GAMT: variants seen among roughly 807,000 people sequenced by gnomAD.
GAMT encodes epididymis secretory protein Li 20.
In GAMT, 26 loss-of-function variants were observed where a neutral mutation model predicts 26.9. That is an observed-to-expected ratio of 0.97 (90% confidence interval 0.71 to 1.34). GAMT has a LOEUF of 1.34. GAMT is among the 40% of genes most tolerant of loss of function. The pLI is 0.00. For missense variants in GAMT, 412 were observed against 345.0 expected, an observed-to-expected ratio of 1.19 and a Z score of -1.54; for synonymous variants, 169 against 149.6, an observed-to-expected ratio of 1.13 and a Z score of -0.95.
chr19:1,397,347 CGGGGT>C lies in GAMT; in HGVS notation c.*7_*11del. Reference sequence around the variant, plus strand: ...GAGGAGGGCATGGGTGTGGCCGGGCCGGGGTGGGGGCTCAGCCTTTGGTCACCAGG... The same window carrying C: ...GAGGAGGGCATGGGTGTGGCCGGGCCGGGGGCTCAGCCTTTGGTCACCAGG... On this transcript the variant is annotated 3_prime_UTR_variant, in exon 6 of 6. Coordinates refer to ENST00000252288, the MANE Select transcript of GAMT (RefSeq NM_000156.6). 1 of 1,606,694 alleles carries C rather than the reference CGGGGT, an allele frequency of 6.2e-7. No individual in the cohort carries two copies. Among genetic ancestry groups the C allele is most frequent in the Non-Finnish European group, 8.5e-7 (1 of 1,177,904 alleles).
Position 1,401,502 on chromosome 19 carries a change from C to A in GAMT, c.-26G>T. The A allele has an allele frequency of 7.7e-7, 1 of 1,291,914 alleles. No homozygotes were observed. Among genetic ancestry groups the A allele is most frequent in the South Asian group, 2.3e-5 (1 of 44,252 alleles). 80.0% of individuals were successfully genotyped at this position (1,291,914 alleles called of 1,614,324 possible). A position where few individuals can be genotyped will look rare whatever the true frequency, so the allele number is the denominator to read the frequency against. On this transcript the variant is annotated 5_prime_UTR_variant, in exon 1 of 6. The change creates a new upstream start codon in the 5' untranslated region. Transcript: ENST00000252288. ...GCTGCAGGCTGGACGGCGACCCGAC[C>A]TCGATCGCGCGCCGCCCGGGCCCGC...
Position 1,401,415 on chromosome 19 carries a change from C to T in GAMT, c.62G>A (p.Gly21Glu). The change falls in exon 1 of 6, where the codon GGG (glycine) becomes GAG (glutamate). Residue 21 changes from glycine (G) to glutamate (E), a missense_variant. Physicochemically the swap from Gly to Glu is moderately conservative, Grantham distance 98 (BLOSUM62 -2). Coordinates refer to ENST00000252288, the MANE Select transcript of GAMT (RefSeq NM_000156.6). ...APGENCSPAWGAAPAAYDAAD... is the reference protein window; with the variant it reads ...APGENCSPAWEAAPAAYDAAD... ...TGCGTCGTAGGCCGCGGGCGCCGCC[C>T]CCCACGCGGGGCTGCAGTTCTCGCC... The T allele has an allele frequency of 2.1e-6, 3 of 1,449,816 alleles. No individual in the cohort carries two copies. Among genetic ancestry groups the T allele is most frequent in the Non-Finnish European group, 1.8e-6 (2 of 1,103,422 alleles). The allele number at this position is 1,449,816 out of a possible 1,614,324, so 89.8% of individuals were successfully genotyped here. A position where few individuals can be genotyped will look rare whatever the true frequency, so the allele number is the denominator to read the frequency against.
rs374527580 is a variant in GAMT at position 1,397,320 on chromosome 19, C to G, written c.*39G>C. ...CCCTGGACTCCCGGCCAGGAAGGCA[C>G]GGAGGAGGGCATGGGTGTGGCCGGG... On this transcript the variant is annotated 3_prime_UTR_variant, in exon 6 of 6. Coordinates refer to ENST00000252288, the MANE Select transcript of GAMT (RefSeq NM_000156.6). 1 of 1,586,584 alleles carries G rather than the reference C, an allele frequency of 6.3e-7. No individual in the cohort carries two copies. Among genetic ancestry groups the G allele is most frequent in the Non-Finnish European group, 8.6e-7 (1 of 1,168,964 alleles).
chr19:1,401,491 G>C lies in GAMT; in HGVS notation c.-15C>G, dbSNP rs1569009367. 4 of 1,308,266 alleles carry C rather than the reference G, an allele frequency of 3.1e-6. No homozygotes were observed. The highest frequency in any genetic ancestry group is 4.2e-5 in the South Asian group (2 of 47,376). The allele number at this position is 1,308,266 out of a possible 1,614,324, so 81.0% of individuals were successfully genotyped here. A position where few individuals can be genotyped will look rare whatever the true frequency, so the allele number is the denominator to read the frequency against. On this transcript the variant is annotated 5_prime_UTR_variant, in exon 1 of 6. Transcript: ENST00000252288. ...GGGGCGCTCATGCTGCAGGCTGGAC[G>C]GCGACCCGACCTCGATCGCGCGCCG...
In GAMT at chr19:1,399,670, G is replaced by GCCCT. The variant is rs2082621883; in HGVS notation, c.328-84_328-83insAGGG. On this transcript the variant is annotated intron_variant, in intron 2 of 5. Transcript: ENST00000252288. This position sits in a 1 kb window ranked among gnomAD's most constrained non-coding sequence, Gnocchi z 6.2. ...CACCTGCAGAAAGGGAGCGGCCAGG[G>GCCCT]GGACTCCCGAGAGAGAAGACCACCT... 6.5e-7 allele frequency: 1 copy of GCCCT among 1,533,010 alleles called. No homozygotes were observed. Among genetic ancestry groups the GCCCT allele is most frequent in the Non-Finnish European group, 8.8e-7 (1 of 1,133,300 alleles). The allele number at this position is 1,533,010 out of a possible 1,614,324, so 95.0% of individuals were successfully genotyped here.
chr19:1,397,199 G>A lies in GAMT; in HGVS notation c.*160C>T, dbSNP rs1279085362. The stretch of plus-strand genomic sequence containing the variant: ...CTGGGAAAGCTGCTGGTGACACACA[G>A]CTGGGATCAGCCCTGGGCTGGTGGG... On this transcript the variant is annotated 3_prime_UTR_variant, in exon 6 of 6. Transcript: ENST00000252288. 1.2e-6 allele frequency: 1 copy of A among 814,098 alleles called. No homozygotes were observed. The highest frequency in any genetic ancestry group is 1.9e-6 in the Non-Finnish European group (1 of 518,924). 50.4% of individuals were successfully genotyped at this position (814,098 alleles called of 1,614,324 possible).
chr19:1,397,566 C>A (rs767287122), intron 5 of GAMT, 67 bp from the exon 6 acceptor site: 18 of 1,588,464 alleles, frequency 1.1e-5, no homozygotes, highest in African/African-American at 2.7e-5. Flanking sequence ...GGCGCCCACC[C>A]CTCATTGAAG....
Position 1,399,201 on chromosome 19 carries a change from C to T in GAMT, c.392-6G>A, listed in dbSNP as rs753979877. ...GTACGTGTCGTACAGGATCCCTGCA[C>T]GGAGAACAGAAGCCCACGCGGTCAG... On this transcript the variant is annotated splice_polypyrimidine_tract_variant and splice_region_variant and intron_variant, in intron 3 of 5. Coordinates refer to ENST00000252288, the MANE Select transcript of GAMT (RefSeq NM_000156.6). This position sits in a 1 kb window ranked among gnomAD's most constrained non-coding sequence, Gnocchi z 6.2. The T allele has an allele frequency of 3.6e-5, 58 of 1,613,372 alleles. No individual in the cohort carries two copies. The highest frequency in any genetic ancestry group is 1.6e-4 in the Middle Eastern group (1 of 6,084).
Position 1,399,628 on chromosome 19 carries a change from G to A in GAMT, c.328-41C>T. ...AGAAAAAGAGAGGACAGGGTAGAGA[G>A]GTCCCCAGGATCTCCCCACCTGCAG... On this transcript the variant is annotated intron_variant, in intron 2 of 5. Coordinates refer to ENST00000252288, the MANE Select transcript of GAMT (RefSeq NM_000156.6). The surrounding 1 kb of genome is among the most constrained non-coding windows in gnomAD (Gnocchi z 6.2). The A allele has an allele frequency of 1.9e-6, 3 of 1,591,160 alleles. No individual in the cohort carries two copies. The highest frequency in any genetic ancestry group is 2.6e-6 in the Non-Finnish European group (3 of 1,166,502).
In GAMT at chr19:1,397,422, T is replaced by C; in HGVS notation, c.648A>G (p.Pro216=). The C allele has an allele frequency of 1.9e-6, 3 of 1,611,346 alleles. No homozygotes were observed. Among genetic ancestry groups the C allele is most frequent in the Non-Finnish European group, 2.5e-6 (3 of 1,179,840 alleles). The change falls in exon 6 of 6, where the codon CCA becomes CCG. Residue 216 remains proline (P), a synonymous_variant. Coordinates refer to ENST00000252288, the MANE Select transcript of GAMT (RefSeq NM_000156.6). ...AGGCGTAGTAGCGGCAGTCGGCCGG[T>C]GGGACCAGCGCCATCACCTCCGTAC... ...NIRTEVMALV[P]PADCRYYAFP... is the part of the protein sequence containing the mutation.
chr19:1,398,947 G>A lies in GAMT; in HGVS notation c.539C>T (p.Ser180Phe). The change falls in exon 5 of 6, where the codon TCC (serine) becomes TTC (phenylalanine). Residue 180 changes from serine (S) to phenylalanine (F), a missense_variant. By Grantham distance (155) the Ser-to-Phe change is radical. Transcript: ENST00000252288. ...CATGATGGTGATGTCTGAGTACTTG[G>A]ACTTCATCAGCTCCCCCCAGGAGGT... ...NLTSWGELMK[S>F]KYSDITIMFE... 3 of 1,613,406 alleles carry A rather than the reference G, an allele frequency of 1.9e-6. No homozygotes were observed. The highest frequency in any genetic ancestry group is 1.7e-6 in the Non-Finnish European group (2 of 1,180,006).
chr19:1,397,663 G>A (rs745997187), intron 5 of GAMT, 164 bp from the exon 6 acceptor site: 177 of 1,379,148 alleles, frequency 1.3e-4, no homozygotes, highest in Middle Eastern at 2.4e-4. Context: ...AGGTGTGAAC[G>A]GGAATCTCCA....
Position 1,401,288 on chromosome 19 carries a change from G to T in GAMT, c.181+8C>A. ...CCCCGGGGGCGGTGCAGGCCGGGCG[G>T]GGGCTACCTTTGGAGGAGGCGGCGG... On this transcript the variant is annotated splice_region_variant and intron_variant, in intron 1 of 5. Transcript: ENST00000252288. The T allele has an allele frequency of 6.7e-7, 1 of 1,489,816 alleles. No homozygotes were observed. Among genetic ancestry groups the T allele is most frequent in the East Asian group, 2.7e-5 (1 of 36,558 alleles). 92.3% of individuals were successfully genotyped at this position (1,489,816 alleles called of 1,614,324 possible).
At position 1,397,261 on chromosome 19, in the gene GAMT, A is replaced by T; in HGVS notation, c.*98T>A. Reference sequence around the variant, plus strand: ...AGAAGCCGGGAAAGCTTCTGGTGACACACAGCTGGGATCAGCCCAGGGCTG... The same window carrying T: ...AGAAGCCGGGAAAGCTTCTGGTGACTCACAGCTGGGATCAGCCCAGGGCTG... On this transcript the variant is annotated 3_prime_UTR_variant, in exon 6 of 6. Transcript: ENST00000252288. The T allele has an allele frequency of 7.1e-7, 1 of 1,414,758 alleles. No homozygotes were observed. The highest frequency in any genetic ancestry group is 9.6e-7 in the Non-Finnish European group (1 of 1,040,604). 87.6% of individuals were successfully genotyped at this position (1,414,758 alleles called of 1,614,324 possible).
At position 1,401,412 on chromosome 19, in the gene GAMT, G is replaced by C; in HGVS notation, c.65C>G (p.Ala22Gly). 1 of 1,450,644 alleles carries C rather than the reference G, an allele frequency of 6.9e-7. No homozygotes were observed. The allele number at this position is 1,450,644 out of a possible 1,614,324, so 89.9% of individuals were successfully genotyped here. ...PGENCSPAWG[A>G]APAAYDAADT... ...CGCTGCGTCGTAGGCCGCGGGCGCC[G>C]CCCCCCACGCGGGGCTGCAGTTCTC... The change falls in exon 1 of 6, where the codon GCG becomes GGG. Residue 22 changes from alanine to glycine, a missense_variant. Coordinates refer to ENST00000252288, the MANE Select transcript of GAMT (RefSeq NM_000156.6).
chr19:1,397,364 C>A lies in GAMT; in HGVS notation c.706G>T (p.Gly236Cys). Residue 236 changes from glycine (G) to cysteine (C), a missense_variant, in exon 6 of 6, where the codon GGC becomes TGC. Gly to Cys is a radical substitution (Grantham distance 159). Transcript: ENST00000252288. ...PQMITPLVTK[G>C] ...GGCCGGGCCGGGGTGGGGGCTCAGC[C>A]TTTGGTCACCAGGGGCGTGATCATC... 6.2e-7 allele frequency: 1 copy of A among 1,611,396 alleles called. No individual in the cohort carries two copies. The highest frequency in any genetic ancestry group is 8.5e-7 in the Non-Finnish European group (1 of 1,179,538).
At chr19:1,397,734 C>T (rs2082609016) in intron 5 of GAMT, 13 of 1,408,112 alleles carry the variant, frequency 9.2e-6, no homozygotes, top group Non-Finnish European at 1.2e-5. Flanking sequence ...ACACTCGAGC[C>T]ACCCCCGGGC....
Position 1,399,726 on chromosome 19 carries a change from C to T in GAMT, c.327+67G>A. ...ACCTCTGACAGCCCCAGGCCCCCAA[C>T]CCCCAGGAAGCAGTGCCCTCACCCC... On this transcript the variant is annotated intron_variant, in intron 2 of 5. Coordinates refer to ENST00000252288, the MANE Select transcript of GAMT (RefSeq NM_000156.6). This position sits in a 1 kb window ranked among gnomAD's most constrained non-coding sequence, Gnocchi z 6.2. 2.0e-6 allele frequency: 3 copies of T among 1,530,990 alleles called. No individual in the cohort carries two copies. Among genetic ancestry groups the T allele is most frequent in the South Asian group, 2.4e-5 (2 of 83,412 alleles). The allele number at this position is 1,530,990 out of a possible 1,614,324, so 94.8% of individuals were successfully genotyped here.
In GAMT at chr19:1,399,938, C is replaced by T. The variant is rs77168423; in HGVS notation, c.182G>A (p.Gly61Glu). The T allele has an allele frequency of 3.3e-4, 537 of 1,605,756 alleles. 6 individuals carry two copies. In the East Asian group the frequency reaches 0.012, roughly 35 times the overall value. ...AAAGCCCACCTCCAGGACCCGGCCC[C>T]CTGGGCAGACACAGGGCGCCTGGCA... is the stretch of plus-strand genomic sequence containing the variant. ...HALAAAASSK[G>E]GRVLEVGFGM... Residue 61 changes from glycine (G) to glutamate (E), a missense_variant and splice_region_variant, in exon 2 of 6, where the codon GGG (glycine) becomes GAG (glutamate). Coordinates refer to ENST00000252288, the MANE Select transcript of GAMT (RefSeq NM_000156.6). The surrounding 1 kb of genome is among the most constrained non-coding windows in gnomAD (Gnocchi z 6.2).
Sources: gnomAD v4.1 joint callset for allele counts on GRCh38, gnomAD v4.1.1 for gene constraint, Gnocchi (gnomAD v3.1) non-coding constraint, MANE v1.5 for transcripts, NCBI Gene and HGNC (gene_info 2026-07-23, HGNC 2026-07-21) for gene names.